Variants in CYRIA observed in about 807,000 individuals in gnomAD.
CYRIA encodes CYFIP related Rac1 interactor A, also known as CYFIP-related Rac1 interactor A.
CYRIA carries 15 observed loss-of-function variants against 43.9 expected under a neutral mutation model. The observed-to-expected ratio is 0.34, with a 90% CI of 0.23 to 0.53. The LOEUF (loss-of-function observed/expected upper bound fraction) is 0.53, where lower values mean the gene tolerates loss of function less well. CYRIA is among the 20% of genes least tolerant of loss of function. The pLI is 0.94. For synonymous variants in CYRIA, 117 were observed against 136.0 expected (o/e 0.86, Z 0.97); for missense variants, 236 against 394.2 (o/e 0.60, Z 3.40).
At chr2:16,625,984 C>T (rs1334780875) in intron 1 of CYRIA, among the ~76,000 whole-genome samples, 3 of 152,040 alleles carry the variant, frequency 2.0e-5, no homozygotes, top group Non-Finnish European at 4.4e-5. Context: ...CGGGTTTCCT[C>T]CTGATCATCA....
intron 3 of CYRIA, among the ~76,000 whole-genome samples, chr2:16,580,666 T>A (rs1667521449): frequency 6.6e-6 from 1 of 152,070 alleles, no homozygotes. Context: ...CTTAGAAAAG[T>A]AAAGGAGTTA....
At chr2:16,619,314 C>T (rs1181772437) in intron 2 of CYRIA, among the ~76,000 whole-genome samples, 1 of 152,110 alleles carries the variant, frequency 6.6e-6, no homozygotes, top group East Asian at 1.9e-4. Flanking sequence ...CATATATACA[C>T]ACACGTAGGT....
intron 1 of CYRIA, among the ~76,000 whole-genome samples, chr2:16,657,745 G>T (rs1670155885): frequency 6.6e-6 from 1 of 152,114 alleles, no homozygotes; most frequent in South Asian, 2.1e-4. Context: ...ATTCAGAAAT[G>T]TCTTTTAGAA....
intron 1 of CYRIA, among the ~76,000 whole-genome samples, chr2:16,631,951 C>T (rs866724419): frequency 3.9e-5 from 6 of 152,196 alleles, no homozygotes; most frequent in Non-Finnish European, 8.8e-5. Context: ...CTCATGTACC[C>T]AAAGGCCACA....
rs115373152 is a variant in CYRIA at position 16,590,553 on chromosome 2, T to C, written c.-10-2424A>G. Among the ~76,000 whole-genome samples the C allele has an allele frequency of 5.6e-3, 848 of 152,260 alleles. 10 individuals are homozygous for C. The highest frequency in any genetic ancestry group is 0.019 in the African/African-American group (772 of 41,550). On this transcript the variant is annotated intron_variant, in intron 2 of 11. Coordinates refer to ENST00000381323, the MANE Select transcript of CYRIA (RefSeq NM_030797.4). ...TGATTTTACTGTCAGAGTACCTAAG[T>C]AGAAGATATGCCAAGCCTTTGAAAC...
At chr2:16,582,749 C>A (rs1257185829) in intron 3 of CYRIA, among the ~76,000 whole-genome samples, 1 of 152,082 alleles carries the variant, frequency 6.6e-6, no homozygotes, top group Non-Finnish European at 1.5e-5. Flanking sequence ...ATTTCATTTG[C>A]CCATTCGTCA....
intron 5 of CYRIA, among the ~76,000 whole-genome samples, chr2:16,562,596 A>G (rs1416398538): frequency 1.3e-5 from 2 of 152,144 alleles, no homozygotes; most frequent in Admixed American, 1.3e-4. Context: ...CCTAATCCCA[A>G]GAATATTTTT....
rs537443174 is a variant in CYRIA at position 16,635,081 on chromosome 2, T to A, written c.-166-11062A>T. On this transcript the variant is annotated intron_variant, in intron 1 of 11. Transcript: ENST00000381323. ...TAAGTTTCCTTAACTGTAAAGGACA[T>A]AAAGAGCACTTTGGTAAATGTAAAA... is the stretch of plus-strand genomic sequence containing the variant. Among the ~76,000 whole-genome samples the A allele has an allele frequency of 3.9e-5, 6 of 152,316 alleles. No homozygotes were observed. The East Asian group carries it at 5.8e-4, about 15-fold the overall frequency.
intron 1 of CYRIA, among the ~76,000 whole-genome samples, chr2:16,639,258 C>T (rs1038311418): frequency 6.6e-6 from 1 of 152,230 alleles, no homozygotes; most frequent in African/African-American, 2.4e-5. Context: ...GACCCTCAAA[C>T]CCACCTTTCT....
At chr2:16,618,014 T>C (rs1260790924) in intron 2 of CYRIA, among the ~76,000 whole-genome samples, 2 of 152,228 alleles carry the variant, frequency 1.3e-5, no homozygotes, top group Non-Finnish European at 2.9e-5. Flanking sequence ...TTTTTAAATC[T>C]GCATCCTTGT....
chr2:16,576,866 A>G (rs951121857), intron 3 of CYRIA, among the ~76,000 whole-genome samples: 1 of 152,214 alleles, frequency 6.6e-6, no homozygotes, highest in Non-Finnish European at 1.5e-5. Flanking sequence ...ATATGCAACA[A>G]CGTGAATGAA....
chr2:16,584,392 C>T (rs1414174430), intron 3 of CYRIA, among the ~76,000 whole-genome samples: 5 of 152,144 alleles, frequency 3.3e-5, no homozygotes, highest in East Asian at 3.9e-4. Flanking sequence ...ACTGAGGGGG[C>T]CCAGACCCTG....
intron 1 of CYRIA, among the ~76,000 whole-genome samples, chr2:16,643,471 C>G (rs1226478381): frequency 6.6e-6 from 1 of 152,176 alleles, no homozygotes; most frequent in African/African-American, 2.4e-5. Flanking sequence ...CTGCCATGGA[C>G]AGTTTTGAGA....
intron 4 of CYRIA, among the ~76,000 whole-genome samples, chr2:16,564,877 A>G (rs1401380506): frequency 6.6e-6 from 1 of 152,166 alleles, no homozygotes; most frequent in East Asian, 1.9e-4. Flanking sequence ...AAGACATTTG[A>G]GATGACAAAC....
At chr2:16,630,550 A>C (rs1004545427) in intron 1 of CYRIA, among the ~76,000 whole-genome samples, 1 of 152,118 alleles carries the variant, frequency 6.6e-6, no homozygotes, top group Non-Finnish European at 1.5e-5. Flanking sequence ...GGGCAGGAAA[A>C]CACCTGCCAA....
chr2:16,619,207 G>T (rs1358567214), intron 2 of CYRIA, among the ~76,000 whole-genome samples: 1 of 152,184 alleles, frequency 6.6e-6, no homozygotes, highest in East Asian at 1.9e-4. Flanking sequence ...CTTGCAGCCA[G>T]CAGGGGTGAT....
intron 11 of CYRIA, 55 bp downstream of exon 11, chr2:16,555,014 A>T (rs779476822): frequency 2.1e-6 from 3 of 1,425,420 alleles, no homozygotes; most frequent in Non-Finnish European, 2.0e-6. Flanking sequence ...TTAAATTTGC[A>T]ATGGCCCTGA....
At chr2:16,642,599 A>T (rs811308) in intron 1 of CYRIA, among the ~76,000 whole-genome samples, 55,115 of 151,936 alleles carry the variant, frequency 0.36, 14,693 homozygotes, top group African/African-American at 0.76. Context: ...CCTCCGCTAG[A>T]ACACGCTCTC....
intron 1 of CYRIA, among the ~76,000 whole-genome samples, chr2:16,637,013 C>A (rs1049341166): frequency 6.6e-6 from 1 of 152,042 alleles, no homozygotes; most frequent in Non-Finnish European, 1.5e-5. Flanking sequence ...CCAAAACCCC[C>A]ACACACCAGG....
Sources: gnomAD v4.1 joint callset for allele counts (sites outside exome capture counted in the v4.1 genomes callset) on GRCh38, gnomAD v4.1.1 for gene constraint, MANE v1.5 for transcripts, NCBI Gene and HGNC (gene_info 2026-07-23, HGNC 2026-07-21) for gene names.